GFOD1: variants seen among roughly 807,000 people sequenced by gnomAD.
GFOD1 encodes Gfo/Idh/MocA-like oxidoreductase domain containing 1.
GFOD1 carries 9 observed loss-of-function variants against 25.4 expected under a neutral mutation model. That is an observed-to-expected ratio of 0.35 (90% CI 0.21 to 0.62). The LOEUF is 0.62. Ranked by LOEUF, GFOD1 falls within the 20% of genes least tolerant of loss-of-function variation. The probability of loss-of-function intolerance (pLI) is 0.72; values close to 1 mark genes in which losing one functional copy is unlikely to be tolerated. For synonymous variants in GFOD1, 253 were observed against 245.6 expected (o/e 1.03, Z -0.28); for missense variants, 403 against 556.9 (o/e 0.72, Z 2.78).
intron 1 of GFOD1, among the ~76,000 whole-genome samples, chr6:13,466,354 C>T (rs1383370975): frequency 6.6e-6 from 1 of 152,192 alleles, no homozygotes; most frequent in Non-Finnish European, 1.5e-5. Context: ...TTTATACTGG[C>T]CTGGTGAGGT....
chr6:13,442,867 A>G (rs904707791), intron 1 of GFOD1, among the ~76,000 whole-genome samples: 1 of 152,242 alleles, frequency 6.6e-6, no homozygotes, highest in Non-Finnish European at 1.5e-5. Context: ...CCTGTAGCCC[A>G]TGGATCAAAG....
At chr6:13,367,242 A>G (rs1362931405) in intron 1 of GFOD1, among the ~76,000 whole-genome samples, 2 of 152,224 alleles carry the variant, frequency 1.3e-5, no homozygotes, top group African/African-American at 4.8e-5. Flanking sequence ...AGTCTGAAGA[A>G]CTTCTTATTG....
At chr6:13,474,164 A>G (rs9474289) in intron 1 of GFOD1, among the ~76,000 whole-genome samples, 4,791 of 152,200 alleles carry the variant, frequency 0.031, 242 homozygotes, top group African/African-American at 0.11. Flanking sequence ...TGGATCGCCT[A>G]AGGTCAGGAG....
chr6:13,434,887 G>A (rs1486200515), intron 1 of GFOD1, among the ~76,000 whole-genome samples: 2 of 152,230 alleles, frequency 1.3e-5, no homozygotes, highest in Admixed American at 6.5e-5. Flanking sequence ...TTTGCTACAT[G>A]TTCAACCAGC....
chr6:13,442,748 C>T (rs1458710973), intron 1 of GFOD1, among the ~76,000 whole-genome samples: 1 of 152,196 alleles, frequency 6.6e-6, no homozygotes, highest in Admixed American at 6.5e-5. Flanking sequence ...TTGAGAGCTA[C>T]TACTCAGAAA....
intron 1 of GFOD1, among the ~76,000 whole-genome samples, chr6:13,376,334 T>C (rs1019660048): frequency 2.6e-5 from 4 of 151,574 alleles, no homozygotes; most frequent in African/African-American, 9.8e-5. Context: ...TCCTGCTATA[T>C]TGGTCCAAAA....
chr6:13,458,126 G>A (rs898198823), intron 1 of GFOD1, among the ~76,000 whole-genome samples: 12 of 152,008 alleles, frequency 7.9e-5, no homozygotes, highest in African/African-American at 2.9e-4. Context: ...TGTTGTTGTT[G>A]TTGTTGTTTG....
chr6:13,439,915 G>A (rs1278495895), intron 1 of GFOD1, among the ~76,000 whole-genome samples: 2 of 152,106 alleles, frequency 1.3e-5, no homozygotes, highest in African/African-American at 4.8e-5. Flanking sequence ...AGAATTTCAC[G>A]GGCAATTCTA....
chr6:13,442,241 A>T (rs1757929534), intron 1 of GFOD1, among the ~76,000 whole-genome samples: 1 of 152,118 alleles, frequency 6.6e-6, no homozygotes, highest in South Asian at 2.1e-4. Context: ...ATACAGGCAC[A>T]CCTCACTTTA....
rs191694408 is a variant in GFOD1 at position 13,428,318 on chromosome 6, G to A, written c.253+58320C>T. ...CCTAGTGCCTCTTTTGACAAGCCAC[G>A]AGCCTCACTCAGCCCAGAGTGACAC... On this transcript the variant is annotated intron_variant, in intron 1 of 1. Coordinates refer to ENST00000379287, the MANE Select transcript of GFOD1 (RefSeq NM_018988.4). 7.2e-5 allele frequency among the ~76,000 whole-genome samples: 11 copies of A among 152,236 alleles called. No individual in the cohort carries two copies. The East Asian group carries it at 1.7e-3, about 24-fold the overall frequency.
intron 1 of GFOD1, among the ~76,000 whole-genome samples, chr6:13,373,778 CT>C (rs10717560): frequency 0.54 from 67,850 of 125,210 alleles, 16,578 homozygotes; most frequent in East Asian, 0.64. Context: ...ACACACTACG[CT>C]TTTTTTTTTT....
chr6:13,481,373 T>C (rs560841068), intron 1 of GFOD1, among the ~76,000 whole-genome samples: 16 of 152,300 alleles, frequency 1.1e-4, no homozygotes, highest in African/African-American at 3.9e-4. Flanking sequence ...AGGAAAGAGA[T>C]TGGCATGTGA....
At chr6:13,381,120 G>A (rs1785354746) in intron 1 of GFOD1, among the ~76,000 whole-genome samples, 2 of 152,324 alleles carry the variant, frequency 1.3e-5, no homozygotes, top group South Asian at 4.1e-4. Flanking sequence ...GTGGAGAGCA[G>A]TCATGCTGCC....
chr6:13,442,677 C>T (rs562791741), intron 1 of GFOD1, among the ~76,000 whole-genome samples: 1 of 152,314 alleles, frequency 6.6e-6, no homozygotes, highest in South Asian at 2.1e-4. Context: ...ATCTACTCTG[C>T]CTGTGCTCTA....
intron 1 of GFOD1, among the ~76,000 whole-genome samples, chr6:13,392,435 A>C (rs1360698824): frequency 6.6e-6 from 1 of 152,104 alleles, no homozygotes; most frequent in East Asian, 1.9e-4. Flanking sequence ...CTCCACCAAA[A>C]AATAAAAAGT....
In GFOD1 at chr6:13,360,827, GA is replaced by G. The variant is rs1217924422; in HGVS notation, c.*3915del. 2.2e-6 allele frequency: 1 copy of G among 456,616 alleles called. No individual in the cohort carries two copies. The highest frequency in any genetic ancestry group is 1.5e-5 in the South Asian group (1 of 64,578). The allele number at this position is 456,616 out of a possible 1,614,324, so 28.3% of individuals were successfully genotyped here. On this transcript the variant is annotated 3_prime_UTR_variant, in exon 2 of 2. Transcript: ENST00000379287. Reference sequence around the variant, plus strand: ...TGTGAGAGCAGACCCCGTAGACATTGATAAGGAGCGGTTTCCTGCCTGGCAA... The same window carrying G: ...TGTGAGAGCAGACCCCGTAGACATTGTAAGGAGCGGTTTCCTGCCTGGCAA...
At chr6:13,458,757 CAAAAAAAAAAAAAA>C (rs5874418) in intron 1 of GFOD1, among the ~76,000 whole-genome samples, 5,220 of 57,424 alleles carry the variant, frequency 0.091, 411 homozygotes, top group African/African-American at 0.19. Flanking sequence ...TCCCCTTGAG[CAAAAAAAAAAAAAA>C]AAAAAAAAAA....
chr6:13,408,977 T>C (rs1785997029), intron 1 of GFOD1, among the ~76,000 whole-genome samples: 1 of 151,480 alleles, frequency 6.6e-6, no homozygotes, highest in African/African-American at 2.4e-5. Context: ...CCCAAGTACT[T>C]GCAAGGCTGA....
intron 1 of GFOD1, among the ~76,000 whole-genome samples, chr6:13,458,910 A>C (rs1758241425): frequency 6.6e-6 from 1 of 152,196 alleles, no homozygotes; most frequent in Non-Finnish European, 1.5e-5. Flanking sequence ...GTGTTTGTTT[A>C]TCAAAGGCAG....
Sources: allele counts gnomAD v4.1 joint callset (sites outside exome capture counted in the v4.1 genomes callset), GRCh38; gene constraint gnomAD v4.1.1; transcripts MANE v1.5; gene names NCBI Gene and HGNC (gene_info 2026-07-23, HGNC 2026-07-21).